TM4SF4: variants seen among roughly 807,000 people sequenced by gnomAD.
TM4SF4 encodes transmembrane 4 L six family member 4, also known as transmembrane 4 L6 family member 4.
In TM4SF4, 24 loss-of-function variants were observed where a neutral mutation model predicts 24.1. The observed-to-expected ratio is 1.00, with a 90% CI of 0.72 to 1.40. The LOEUF is 1.40. Among genes scored for constraint, TM4SF4 ranks in the 40% most tolerant of loss-of-function variants. TM4SF4 has a pLI of 0.00. For synonymous variants in TM4SF4, 113 were observed against 97.0 expected, an observed-to-expected ratio of 1.17 and a Z score of -0.97; for missense variants, 254 against 254.2, an observed-to-expected ratio of 1.00 and a Z score of 0.01.
intron 2 of TM4SF4, among the ~76,000 whole-genome samples, chr3:149,481,645 A>G (rs1405735580): frequency 6.6e-6 from 1 of 152,202 alleles, no homozygotes; most frequent in Non-Finnish European, 1.5e-5. Context: ...ATAAGCACCT[A>G]CATGACCCCA....
chr3:149,487,169 C>A (rs1177771200), intron 2 of TM4SF4, among the ~76,000 whole-genome samples: 1 of 152,140 alleles, frequency 6.6e-6, no homozygotes, highest in Non-Finnish European at 1.5e-5. Flanking sequence ...GCAGGAGAAT[C>A]CCCTGAACCT....
chr3:149,495,140 A>T (rs1734287813), intron 3 of TM4SF4: 1 of 244,088 alleles, frequency 4.1e-6, no homozygotes, highest in South Asian at 6.0e-5. Flanking sequence ...CAGAAGAGAC[A>T]TGAGAAAATC....
intron 2 of TM4SF4, among the ~76,000 whole-genome samples, chr3:149,481,527 C>CA (rs962984780): frequency 4.6e-5 from 7 of 151,948 alleles, no homozygotes; most frequent in African/African-American, 7.3e-5. Context: ...CTAGCACAGG[C>CA]AAAAAATAGA....
chr3:149,476,370 C>T (rs1040464790), intron 2 of TM4SF4, among the ~76,000 whole-genome samples: 5 of 152,346 alleles, frequency 3.3e-5, no homozygotes, highest in African/African-American at 4.8e-5. Flanking sequence ...TCCTCACTCA[C>T]ACCACTTCCA....
intron 2 of TM4SF4, among the ~76,000 whole-genome samples, chr3:149,487,263 A>G (rs564502887): frequency 1.6e-4 from 25 of 152,330 alleles, no homozygotes; most frequent in Admixed American, 1.2e-3. Context: ...CTCAAAAAAA[A>G]AGATTACGCC....
intron 2 of TM4SF4, among the ~76,000 whole-genome samples, chr3:149,477,571 G>A (rs1180568746): frequency 6.6e-6 from 1 of 152,156 alleles, no homozygotes; most frequent in African/African-American, 2.4e-5. Flanking sequence ...AAAGGCTGAG[G>A]CTGCTCCAAT....
chr3:149,477,089 T>C (rs945949514), intron 2 of TM4SF4, among the ~76,000 whole-genome samples: 1 of 152,156 alleles, frequency 6.6e-6, no homozygotes, highest in Non-Finnish European at 1.5e-5. Flanking sequence ...TGTGAGGCAC[T>C]GTGCCCAGTC....
chr3:149,482,810 C>G (rs1470031499), intron 2 of TM4SF4, among the ~76,000 whole-genome samples: 1 of 152,212 alleles, frequency 6.6e-6, no homozygotes, highest in Non-Finnish European at 1.5e-5. Context: ...TCCCAAAGTG[C>G]TGGGATTACA....
At chr3:149,479,635 T>A (rs943298717) in intron 2 of TM4SF4, among the ~76,000 whole-genome samples, 1 of 152,182 alleles carries the variant, frequency 6.6e-6, no homozygotes, top group Non-Finnish European at 1.5e-5. Flanking sequence ...CGCATTCCCC[T>A]CCAGGCCCCA....
intron 2 of TM4SF4, among the ~76,000 whole-genome samples, chr3:149,484,968 A>T (rs1297265186): frequency 1.8e-4 from 27 of 152,154 alleles, no homozygotes; most frequent in Non-Finnish European, 2.9e-5. Flanking sequence ...GTTAAGAAAA[A>T]ATTTTTAACA....
At chr3:149,484,114 C>A (rs1178852800) in intron 2 of TM4SF4, among the ~76,000 whole-genome samples, 1 of 152,122 alleles carries the variant, frequency 6.6e-6, no homozygotes, top group African/African-American at 2.4e-5. Context: ...ATTCATGTTT[C>A]TTTTAATCAA....
intron 2 of TM4SF4, among the ~76,000 whole-genome samples, chr3:149,484,708 T>G (rs1734087833): frequency 6.6e-6 from 1 of 152,192 alleles, no homozygotes; most frequent in Non-Finnish European, 1.5e-5. Context: ...TGCACCACTG[T>G]GCCTGGCTAA....
intron 1 of TM4SF4, 87 bp from the exon 2 acceptor site, chr3:149,475,736 G>A: frequency 8.7e-7 from 1 of 1,146,962 alleles, no homozygotes; most frequent in Non-Finnish European, 1.3e-6. Flanking sequence ...ATCCCTCATT[G>A]TGGATGGGGC....
intron 2 of TM4SF4, among the ~76,000 whole-genome samples, chr3:149,482,345 T>A (rs66609533): frequency 1.3e-5 from 2 of 151,928 alleles, no homozygotes; most frequent in Non-Finnish European, 2.9e-5. Flanking sequence ...CCAGGTAGAG[T>A]ATGCCCATAG....
chr3:149,489,210 C>A (rs1734169082), intron 3 of TM4SF4, among the ~76,000 whole-genome samples: 1 of 152,184 alleles, frequency 6.6e-6, no homozygotes, highest in African/African-American at 2.4e-5. Flanking sequence ...AACTCAGATC[C>A]CAGCAGGCTG....
chr3:149,497,409 ATTCC>A (rs1734329377), intron 3 of TM4SF4, among the ~76,000 whole-genome samples: 2 of 152,246 alleles, frequency 1.3e-5, no homozygotes, highest in South Asian at 4.1e-4. Flanking sequence ...CAAAATGTTC[ATTCC>A]TTCCTTTTCT....
At chr3:149,480,934 C>T (rs1734022866) in intron 2 of TM4SF4, among the ~76,000 whole-genome samples, 1 of 152,098 alleles carries the variant, frequency 6.6e-6, no homozygotes, top group African/African-American at 2.4e-5. Flanking sequence ...GATCTCGGCT[C>T]GCTGCAACCT....
intron 1 of TM4SF4, among the ~76,000 whole-genome samples, chr3:149,475,368 A>G (rs2107864607): frequency 6.6e-6 from 1 of 152,296 alleles, no homozygotes; most frequent in Non-Finnish European, 1.5e-5. Context: ...AATAACAACA[A>G]CAAACCCACG....
intron 2 of TM4SF4, among the ~76,000 whole-genome samples, chr3:149,484,077 G>A (rs1734077511): frequency 6.6e-6 from 1 of 151,966 alleles, no homozygotes; most frequent in South Asian, 2.1e-4. Context: ...CACTGTGCCG[G>A]GCCCGTTTAT....
Sources: gnomAD v4.1 joint callset for allele counts (sites outside exome capture counted in the v4.1 genomes callset) on GRCh38, gnomAD v4.1.1 for gene constraint, MANE v1.5 for transcripts, NCBI Gene and HGNC (gene_info 2026-07-23, HGNC 2026-07-21) for gene names.